UBR1: variants seen among roughly 807,000 people sequenced by gnomAD.
UBR1 encodes the protein ubiquitin protein ligase E3 component n-recognin 1.
A neutral mutation model predicts 242.1 loss-of-function variants in UBR1; 102 were observed. That is an observed-to-expected ratio of 0.42 (90% confidence interval 0.36 to 0.50). The LOEUF (loss-of-function observed/expected upper bound fraction) is 0.50, where lower values mean the gene tolerates loss of function less well. UBR1 is among the 20% of genes least tolerant of loss of function. The pLI is 0.01. For synonymous variants in UBR1, 675 were observed against 684.8 expected, an observed-to-expected ratio of 0.99 and a Z score of 0.22; for missense variants, 1,772 against 2,101.8, an observed-to-expected ratio of 0.84 and a Z score of 3.07.
chr15:42,983,864 T>C (rs1182030207), intron 37 of UBR1, 33 bp downstream of exon 37: 1 of 1,338,180 alleles, frequency 7.5e-7, no homozygotes, highest in Non-Finnish European at 1.0e-6. Flanking sequence ...ATAAATAATA[T>C]AATACATAAT....
chr15:42,995,529 G>A lies in UBR1; in HGVS notation c.3757+2639C>T, dbSNP rs182082542. 8.9e-3 allele frequency among the ~76,000 whole-genome samples: 1,356 copies of A among 151,824 alleles called. 16 individuals are homozygous for A. The highest frequency in any genetic ancestry group is 0.031 in the African/African-American group (1,287 of 41,392). On this transcript the variant is annotated intron_variant, in intron 33 of 46. Transcript: ENST00000290650. Reference sequence around the variant, plus strand: ...AAAAAAAAAAAAAAATTAGCTGGGCGCGGTGGCAGGCGCCTGTAGTCCCAG... The same window carrying A: ...AAAAAAAAAAAAAAATTAGCTGGGCACGGTGGCAGGCGCCTGTAGTCCCAG...
chr15:42,945,336 A>C lies in UBR1; in HGVS notation c.5243T>G (p.Leu1748Ter), dbSNP rs1323689207. The change falls in exon 47 of 47, where the codon TTA (leucine) becomes TGA (stop). Residue 1748 changes from leucine (L) to a stop codon, truncating the protein, a stop_gained. Transcript: ENST00000290650. LOFTEE classifies it high-confidence loss of function. ...NQMLFGFNWQ[L>*]L ...TTGAGGCAGAGTTGGAGCTCACAGT[A>C]ACTGCCAGTTGAATCCAAATAACAT... 6.2e-7 allele frequency: 1 copy of C among 1,614,044 alleles called. No homozygotes were observed. Among genetic ancestry groups the C allele is most frequent in the African/African-American group, 1.3e-5 (1 of 74,936 alleles).
intron 27 of UBR1, among the ~76,000 whole-genome samples, chr15:43,019,780 A>G (rs918439121): frequency 7.4e-4 from 81 of 110,096 alleles, no homozygotes; most frequent in Non-Finnish European, 3.8e-4. Context: ...TTTTTTTTGT[A>G]TTTTTAGTAG....
In UBR1 at chr15:43,024,966, G is replaced by A. The variant is rs766823644; in HGVS notation, c.2602C>T (p.Pro868Ser). Residue 868 changes from proline to serine, a missense_variant, in exon 25 of 47, where the codon CCT becomes TCT. This residue lies in a region of UBR1 where 965 missense variants were observed against 1,079.7 expected (regional missense o/e 0.89). Coordinates refer to ENST00000290650, the MANE Select transcript of UBR1 (RefSeq NM_174916.3). ...CTGAAAGCAGGGCAGAATTCAGGAG[G>A]TGGTGGTGGCGGCAATGCTATAGGA... ...NKDEALPPPP[P>S]PEFCPAFSKV... The A allele has an allele frequency of 3.1e-6, 5 of 1,614,182 alleles. No individual in the cohort carries two copies. The highest frequency in any genetic ancestry group is 4.2e-6 in the Non-Finnish European group (5 of 1,180,014).
At chr15:42,988,671 G>T in intron 35 of UBR1, 148 bp downstream of exon 35, 1 of 1,049,914 alleles carries the variant, frequency 9.5e-7, no homozygotes, top group Non-Finnish European at 1.5e-6. Flanking sequence ...AGACCAAATG[G>T]CATGAGCCAC....
intron 6 of UBR1, among the ~76,000 whole-genome samples, chr15:43,066,765 T>C (rs779614725): frequency 3.3e-5 from 5 of 152,166 alleles, no homozygotes; most frequent in African/African-American, 4.8e-5. Flanking sequence ...GCATACCCCA[T>C]AGCAAATCAA....
chr15:43,051,555 T>C (rs1339369567), intron 12 of UBR1, among the ~76,000 whole-genome samples: 1 of 152,126 alleles, frequency 6.6e-6, no homozygotes. Flanking sequence ...AGCCTGCACA[T>C]GTACCCCTGA....
At chr15:43,026,380 A>G (rs2033178312) in intron 23 of UBR1, 181 bp downstream of exon 23, 2 of 573,712 alleles carry the variant, frequency 3.5e-6, no homozygotes, top group Non-Finnish European at 6.2e-6. Context: ...ATAATCAGGA[A>G]AATCTGAATA....
chr15:43,081,873 A>G (rs1596135955), intron 3 of UBR1, among the ~76,000 whole-genome samples: 1 of 152,218 alleles, frequency 6.6e-6, no homozygotes, highest in Non-Finnish European at 1.5e-5. Flanking sequence ...TTACACATAA[A>G]GGCATTTACT....
At chr15:43,091,976 T>C in intron 1 of UBR1, 1 of 449,486 alleles carries the variant, frequency 2.2e-6, no homozygotes, top group South Asian at 1.6e-5. Flanking sequence ...GTCCCAGCTA[T>C]TCGGGAGGCT....
At chr15:42,964,138 A>G (rs1411643834) in intron 41 of UBR1, 95 bp from the exon 42 acceptor site, 13 of 887,826 alleles carry the variant, frequency 1.5e-5, no homozygotes, top group Non-Finnish European at 2.2e-5. Context: ...TTATTTCTAC[A>G]CTCTCCTTGT....
At chr15:43,081,276 G>A (rs1008066494) in intron 3 of UBR1, among the ~76,000 whole-genome samples, 1 of 152,058 alleles carries the variant, frequency 6.6e-6, no homozygotes, top group African/African-American at 2.4e-5. Flanking sequence ...AATTAGCCAG[G>A]TGTGGTGGCG....
At position 43,047,144 on chromosome 15, in the gene UBR1, T is replaced by C; in HGVS notation, c.1668+17A>G. On this transcript the variant is annotated intron_variant, in intron 14 of 46. Coordinates refer to ENST00000290650, the MANE Select transcript of UBR1 (RefSeq NM_174916.3). ...GAACTTAAAAAGGCACTGATCCTAC[T>C]AACAAATTTTACTTACATCACAAGC... 1 of 1,614,010 alleles carries C rather than the reference T, an allele frequency of 6.2e-7. No homozygotes were observed. The highest frequency in any genetic ancestry group is 8.5e-7 in the Non-Finnish European group (1 of 1,179,958).
Position 43,015,714 on chromosome 15 carries a change from T to C in UBR1, c.3183A>G (p.Lys1061=). Residue 1061 remains lysine, a synonymous_variant, in exon 29 of 47, where the codon AAA becomes AAG. Coordinates refer to ENST00000290650, the MANE Select transcript of UBR1 (RefSeq NM_174916.3). The stretch of plus-strand genomic sequence containing the variant: ...TCTCTTCCTCCATAATGGAATCTTC[T>C]TTCCCAGGCATTTCTGATGTATTGT... The part of the protein sequence containing the change: ...MYDNTSEMPG[K]EDSIMEEEST... 1 of 1,614,140 alleles carries C rather than the reference T, an allele frequency of 6.2e-7. No individual in the cohort carries two copies. The highest frequency in any genetic ancestry group is 8.5e-7 in the Non-Finnish European group (1 of 1,180,030).
Position 42,945,429 on chromosome 15 carries a change from T to A in UBR1, c.5150A>T (p.Lys1717Met). 1 of 1,614,172 alleles carries A rather than the reference T, an allele frequency of 6.2e-7. No homozygotes were observed. Among genetic ancestry groups the A allele is most frequent in the Non-Finnish European group, 8.5e-7 (1 of 1,180,028 alleles). Residue 1717 changes from lysine to methionine, a missense_variant, in exon 47 of 47, where the codon AAG becomes ATG. Physicochemically the swap from Lys to Met is moderately conservative, Grantham distance 95. Around this residue, in one of 3 missense-constraint regions of UBR1, gnomAD observed 965 missense variants for 1,079.7 expected, o/e 0.89. Transcript: ENST00000290650. The stretch of plus-strand genomic sequence containing the variant: ...GTGTTGTTGCCAGACCAAATGGAGC[T>A]TCCGATACCGCTCACGAGATAAATG... ...PLHLSRERYR[K>M]LHLVWQQHCI...
At chr15:43,008,198 C>T (rs1381033551) in intron 29 of UBR1, among the ~76,000 whole-genome samples, 1 of 152,196 alleles carries the variant, frequency 6.6e-6, no homozygotes, top group Non-Finnish European at 1.5e-5. Flanking sequence ...TCCATGTAGC[C>T]CTTGGGTTGG....
rs1216142373 is a variant in UBR1, at chr15:43,056,336, A to G, written c.1281+8T>C. The G allele has an allele frequency of 6.3e-7, 1 of 1,592,792 alleles. No individual in the cohort carries two copies. The highest frequency in any genetic ancestry group is 1.3e-5 in the African/African-American group (1 of 74,506). ...TAGAAAGACTGAAAAGGAATAATCA[A>G]TACATACCAGAGTAGGAACAGTAAA... On this transcript the variant is annotated splice_region_variant and intron_variant, in intron 11 of 46. Transcript: ENST00000290650.
At chr15:42,963,363 A>G (rs372692235) in intron 42 of UBR1, among the ~76,000 whole-genome samples, 10 of 152,222 alleles carry the variant, frequency 6.6e-5, no homozygotes, top group East Asian at 5.8e-4. Context: ...GCTGATTATA[A>G]AAATGATAGA....
At chr15:43,000,471 G>T (rs1043870691) in intron 32 of UBR1, among the ~76,000 whole-genome samples, 1 of 152,180 alleles carries the variant, frequency 6.6e-6, no homozygotes, top group African/African-American at 2.4e-5. Context: ...TGTAAAAAAG[G>T]CTTGTACAAG....
Sources: allele counts gnomAD v4.1 joint callset (sites outside exome capture counted in the v4.1 genomes callset), GRCh38; gene constraint gnomAD v4.1.1; regional missense constraint gnomAD v4.1.1; transcripts MANE v1.5; gene names NCBI Gene and HGNC (gene_info 2026-07-23, HGNC 2026-07-21).